CPA6: variants seen among roughly 807,000 people sequenced by gnomAD.
The protein encoded by CPA6 is carboxypeptidase B.
In CPA6, 58 loss-of-function variants were observed where a neutral mutation model predicts 63.3. The ratio of observed to expected loss-of-function variants is 0.92; its 90% CI spans 0.74 to 1.14. The LOEUF (loss-of-function observed/expected upper bound fraction) is 1.14. CPA6 is among the 50% of genes most tolerant of loss of function. The pLI is 0.00. For missense variants in CPA6, 565 were observed against 526.6 expected (o/e 1.07, Z -0.71); for synonymous variants, 185 against 179.0 (o/e 1.03, Z -0.27).
Position 67,461,683 on chromosome 8 carries a change from G to A in CPA6, c.838+22085C>T, listed in dbSNP as rs992729498. 6.6e-5 allele frequency among the ~76,000 whole-genome samples: 10 copies of A among 151,992 alleles called. No homozygotes were observed. In the South Asian group the frequency reaches 1.9e-3, roughly 28 times the overall value. ...CCTCCCGGACGGGGCGGCTGGCCGG[G>A]CAGGGGGCTGACCCCCCCACTTCCC... On this transcript the variant is annotated intron_variant, in intron 8 of 10. Transcript: ENST00000297770.
chr8:67,428,276 T>G, intron 9 of CPA6, 145 bp from the exon 10 acceptor site: 2 of 540,876 alleles, frequency 3.7e-6, no homozygotes, highest in Non-Finnish European at 6.5e-6. Flanking sequence ...ATTACTCTTA[T>G]GTCACACGCT....
intron 8 of CPA6, among the ~76,000 whole-genome samples, chr8:67,435,492 T>TGGGGAGGAGACGGCAGGTGC (rs1304224331): frequency 2.0e-5 from 3 of 152,222 alleles, no homozygotes; most frequent in East Asian, 1.9e-4. Context: ...GGCCCTGTGA[T>TGGGGAGGAGACGGCAGGTGC]GGGGAGGAGA....
chr8:67,425,698 T>A (rs1167089146), intron 10 of CPA6, among the ~76,000 whole-genome samples: 1 of 152,106 alleles, frequency 6.6e-6, no homozygotes, highest in Non-Finnish European at 1.5e-5. Context: ...TATGTAAAGA[T>A]GACAATTAAA....
chr8:67,621,638 A>T (rs1032163960), intron 2 of CPA6, among the ~76,000 whole-genome samples: 4 of 152,228 alleles, frequency 2.6e-5, no homozygotes, highest in Non-Finnish European at 4.4e-5. Context: ...TGTTAAAATG[A>T]GGCAATTTGT....
At chr8:67,704,370 T>C (rs74737101) in intron 1 of CPA6, among the ~76,000 whole-genome samples, 3,042 of 152,316 alleles carry the variant, frequency 0.02, 46 homozygotes, top group Non-Finnish European at 0.031. Flanking sequence ...AACAGGCTTC[T>C]TGTCTGCTTA....
intron 2 of CPA6, among the ~76,000 whole-genome samples, chr8:67,524,280 C>T (rs1812317525): frequency 6.6e-6 from 1 of 152,114 alleles, no homozygotes; most frequent in African/African-American, 2.4e-5. Flanking sequence ...GTCTCATTTG[C>T]ATCAGTAATT....
At chr8:67,692,102 C>T (rs1034521940) in intron 1 of CPA6, among the ~76,000 whole-genome samples, 2 of 152,012 alleles carry the variant, frequency 1.3e-5, no homozygotes, top group Non-Finnish European at 2.9e-5. Flanking sequence ...TTTGGGAGGC[C>T]GAGGCCAGCG....
chr8:67,593,463 C>G (rs1240856383), intron 2 of CPA6, among the ~76,000 whole-genome samples: 40 of 151,778 alleles, frequency 2.6e-4, no homozygotes, highest in African/African-American at 9.5e-4. Flanking sequence ...TCTTGTTGAT[C>G]TGTCTAATGT....
chr8:67,426,441 GTT>G (rs796386851), intron 10 of CPA6, among the ~76,000 whole-genome samples: 2 of 147,370 alleles, frequency 1.4e-5, no homozygotes, highest in East Asian at 2.0e-4. Flanking sequence ...TTTAAATACA[GTT>G]TTTTTTTTTC....
At chr8:67,680,267 T>G (rs959449346) in intron 1 of CPA6, among the ~76,000 whole-genome samples, 1 of 152,142 alleles carries the variant, frequency 6.6e-6, no homozygotes, top group Non-Finnish European at 1.5e-5. Context: ...TTTGGGAGGC[T>G]GAAGTGCGTG....
At chr8:67,589,592 C>A (rs1814049716) in intron 2 of CPA6, among the ~76,000 whole-genome samples, 1 of 152,094 alleles carries the variant, frequency 6.6e-6, no homozygotes, top group South Asian at 2.1e-4. Context: ...GTCTTATCAT[C>A]ATTTTTATGT....
intron 8 of CPA6, among the ~76,000 whole-genome samples, chr8:67,449,142 C>T (rs576759607): frequency 6.6e-6 from 1 of 152,206 alleles, no homozygotes; most frequent in South Asian, 2.1e-4. Flanking sequence ...ATACCAGCTA[C>T]TCAAGAGGCT....
chr8:67,721,707 A>G (rs1817504044), intron 1 of CPA6, among the ~76,000 whole-genome samples: 1 of 152,182 alleles, frequency 6.6e-6, no homozygotes, highest in Non-Finnish European at 1.5e-5. Context: ...AAAAGTGGGA[A>G]AAAAACCCCA....
intron 2 of CPA6, among the ~76,000 whole-genome samples, chr8:67,522,440 G>GCTC (rs1460955365): frequency 3.9e-5 from 6 of 152,216 alleles, no homozygotes; most frequent in African/African-American, 1.4e-4. Context: ...TGTAACACAT[G>GCTC]CTCCTGCTCA....
chr8:67,539,288 T>A (rs1812656113), intron 2 of CPA6, among the ~76,000 whole-genome samples: 1 of 152,262 alleles, frequency 6.6e-6, no homozygotes, highest in African/African-American at 2.4e-5. Flanking sequence ...AATCCTGGGT[T>A]GAAAATTCTT....
intron 8 of CPA6, among the ~76,000 whole-genome samples, chr8:67,482,268 T>C (rs1451485239): frequency 6.6e-6 from 1 of 152,210 alleles, no homozygotes; most frequent in African/African-American, 2.4e-5. Flanking sequence ...GGCATGTATA[T>C]GACATATATG....
At position 67,691,767 on chromosome 8, in the gene CPA6, A is replaced by G. The variant is rs183913137; in HGVS notation, c.116+54247T>C. Among the ~76,000 whole-genome samples, 83 of 152,246 alleles carry G rather than the reference A, an allele frequency of 5.5e-4. No individual in the cohort carries two copies. In the East Asian group the frequency reaches 0.015, roughly 27 times the overall value. ...TACACAGCACTTTGAAATGCTGAGT[A>G]GATTTCAGGGAATTGGCTTTTAGTA... On this transcript the variant is annotated intron_variant, in intron 1 of 10. Coordinates refer to ENST00000297770, the MANE Select transcript of CPA6 (RefSeq NM_020361.5).
chr8:67,641,358 A>T (rs2128989981), intron 1 of CPA6, among the ~76,000 whole-genome samples: 1 of 147,764 alleles, frequency 6.8e-6, no homozygotes, highest in South Asian at 2.1e-4. Flanking sequence ...TAGGAAATGA[A>T]GGAGGGGATC....
intron 1 of CPA6, among the ~76,000 whole-genome samples, chr8:67,650,177 G>A (rs1815804581): frequency 6.6e-6 from 1 of 152,018 alleles, no homozygotes; most frequent in South Asian, 2.1e-4. Context: ...CTGTATAAAT[G>A]TAACCAGTTC....
Sources: gnomAD v4.1 joint callset for allele counts (sites outside exome capture counted in the v4.1 genomes callset) on GRCh38, gnomAD v4.1.1 for gene constraint, MANE v1.5 for transcripts, NCBI Gene and HGNC (gene_info 2026-07-23, HGNC 2026-07-21) for gene names.